The following MGAT4C variants were observed in gnomAD, a reference collection of about 807,000 sequenced individuals.
The protein encoded by MGAT4C is alpha-1,3-mannosyl-glycoprotein 4-beta-N-acetylglucosaminyltransferase C.
In MGAT4C, 19 loss-of-function variants were observed where a neutral mutation model predicts 40.1. The ratio of observed to expected loss-of-function variants is 0.47; its 90% CI spans 0.33 to 0.70. The LOEUF is 0.70. Among genes scored for constraint, MGAT4C ranks in the 30% least tolerant of loss-of-function variants. The pLI is 0.02. For synonymous variants in MGAT4C, 181 were observed against 187.1 expected, an observed-to-expected ratio of 0.97 and a Z score of 0.27; for missense variants, 491 against 563.2, an observed-to-expected ratio of 0.87 and a Z score of 1.30.
At chr12:86,363,075 G>T (rs1298081161) in intron 3 of MGAT4C, among the ~76,000 whole-genome samples, 1 of 151,794 alleles carries the variant, frequency 6.6e-6, no homozygotes, top group Non-Finnish European at 1.5e-5. Context: ...ACTGCAAAGA[G>T]AAATAACCAA....
chr12:86,426,106 C>A (rs994874683), intron 3 of MGAT4C, among the ~76,000 whole-genome samples: 24 of 151,978 alleles, frequency 1.6e-4, no homozygotes, highest in Admixed American at 1.2e-3. Context: ...TAGAAGTATA[C>A]AACTTATTTT....
At chr12:86,006,688 T>C (rs1455859954) in intron 2 of MGAT4C, among the ~76,000 whole-genome samples, 1 of 152,088 alleles carries the variant, frequency 6.6e-6, no homozygotes, top group Non-Finnish European at 1.5e-5. Context: ...ATTTCATCCC[T>C]CTCAACATCT....
intron 2 of MGAT4C, among the ~76,000 whole-genome samples, chr12:86,450,339 T>C (rs958823116): frequency 6.6e-6 from 1 of 152,160 alleles, no homozygotes; most frequent in Non-Finnish European, 1.5e-5. Flanking sequence ...AGTTTTTTAT[T>C]AGGTTGTCTT....
At chr12:86,032,852 A>G (rs1459097970) in intron 2 of MGAT4C, among the ~76,000 whole-genome samples, 1 of 149,826 alleles carries the variant, frequency 6.7e-6, no homozygotes, top group East Asian at 1.9e-4. Context: ...TCCTATGTCC[A>G]GAATGGTATT....
intron 3 of MGAT4C, among the ~76,000 whole-genome samples, chr12:86,409,921 C>G (rs976959779): frequency 1.8e-4 from 28 of 152,100 alleles, no homozygotes; most frequent in Admixed American, 1.1e-3. Context: ...AGCTGGGCCT[C>G]CAGGGGTGAC....
At chr12:86,302,555 A>G (rs993187064) in intron 4 of MGAT4C, among the ~76,000 whole-genome samples, 1 of 150,286 alleles carries the variant, frequency 6.7e-6, no homozygotes, top group African/African-American at 2.5e-5. Flanking sequence ...CAGCCTCCCA[A>G]GTAGGTAAGA....
chr12:86,138,477 C>CCATATATATATTTCCATATATATAT (rs879583811), intron 1 of MGAT4C, among the ~76,000 whole-genome samples: 98,247 of 124,770 alleles, frequency 0.79, 39,542 homozygotes, highest in African/African-American at 0.9. Flanking sequence ...CCATATATAT[C>CCATATATATATTTCCATATATATAT]CATATATATA....
At chr12:86,050,681 A>C (rs1409791898) in intron 1 of MGAT4C, among the ~76,000 whole-genome samples, 1 of 151,918 alleles carries the variant, frequency 6.6e-6, no homozygotes, top group Non-Finnish European at 1.5e-5. Context: ...TCTCTACTTA[A>C]ATGTGCCGTG....
chr12:86,514,111 A>ACACACC (rs1475679807), intron 2 of MGAT4C, among the ~76,000 whole-genome samples: 2 of 126,578 alleles, frequency 1.6e-5, no homozygotes, highest in African/African-American at 6.4e-5. Context: ...CACACACACA[A>ACACACC]CCCCGGCTTA....
chr12:86,419,397 T>C (rs1035271931), intron 3 of MGAT4C, among the ~76,000 whole-genome samples: 3 of 151,422 alleles, frequency 2.0e-5, no homozygotes, highest in Admixed American at 6.6e-5. Flanking sequence ...TATATGTACA[T>C]ATATCCATAC....
chr12:86,069,373 T>C (rs1448182714), intron 1 of MGAT4C, among the ~76,000 whole-genome samples: 1 of 152,118 alleles, frequency 6.6e-6, no homozygotes, highest in Non-Finnish European at 1.5e-5. Flanking sequence ...GATCCTTCCA[T>C]AAGTGACTGG....
At chr12:86,131,579 T>C (rs1452921156) in intron 1 of MGAT4C, among the ~76,000 whole-genome samples, 2 of 152,108 alleles carry the variant, frequency 1.3e-5, no homozygotes, top group South Asian at 2.1e-4. Context: ...TTATTTTTCA[T>C]TGTCTTGAGA....
intron 2 of MGAT4C, among the ~76,000 whole-genome samples, chr12:86,608,507 G>A (rs889854069): frequency 6.6e-6 from 1 of 152,120 alleles, no homozygotes; most frequent in African/African-American, 2.4e-5. Context: ...GAGCCCAGGA[G>A]TTTATGGTGA....
intron 1 of MGAT4C, among the ~76,000 whole-genome samples, chr12:86,058,802 TTTTA>T (rs1211152684): frequency 6.6e-6 from 1 of 152,186 alleles, no homozygotes; most frequent in African/African-American, 2.4e-5. Flanking sequence ...TAATTTATTA[TTTTA>T]TTTATCTTTT....
intron 1 of MGAT4C, among the ~76,000 whole-genome samples, chr12:86,178,589 C>T (rs56265437): frequency 0.015 from 2,260 of 152,308 alleles, 31 homozygotes; most frequent in African/African-American, 0.035. Context: ...AAATCTTCCT[C>T]CCAAACTGTT....
chr12:86,765,587 A>G (rs1951490740), intron 1 of MGAT4C, among the ~76,000 whole-genome samples: 1 of 152,184 alleles, frequency 6.6e-6, no homozygotes, highest in South Asian at 2.1e-4. Flanking sequence ...AGTTGAAATG[A>G]AGGAAAAAAT....
chr12:86,736,876 C>A (rs1019711104), intron 1 of MGAT4C, among the ~76,000 whole-genome samples: 10 of 151,254 alleles, frequency 6.6e-5, no homozygotes, highest in African/African-American at 2.4e-4. Context: ...AAATACAGTC[C>A]TTCTATTGTG....
chr12:86,168,643 G>A (rs1376978129), intron 1 of MGAT4C, among the ~76,000 whole-genome samples: 2 of 152,146 alleles, frequency 1.3e-5, no homozygotes, highest in South Asian at 4.2e-4. Context: ...TGAGACAAAT[G>A]GAGAAATTAA....
intron 1 of MGAT4C, among the ~76,000 whole-genome samples, chr12:86,779,833 A>T (rs1951808012): frequency 6.6e-6 from 1 of 152,180 alleles, no homozygotes; most frequent in Admixed American, 6.5e-5. Context: ...GAATGGCGTG[A>T]ACCCAGGAGG....
Sources: allele counts gnomAD v4.1 joint callset (sites outside exome capture counted in the v4.1 genomes callset), GRCh38; gene constraint gnomAD v4.1.1; transcripts MANE v1.5; gene names NCBI Gene and HGNC (gene_info 2026-07-23, HGNC 2026-07-21).